Variants in GLYR1 observed in about 807,000 individuals in gnomAD.
GLYR1 encodes the protein glyoxylate reductase 1 homolog.
A neutral mutation model predicts 72.7 loss-of-function variants in GLYR1; 21 were observed. That is an observed-to-expected ratio of 0.29 (90% CI 0.20 to 0.42). The LOEUF is 0.42. Among genes scored for constraint, GLYR1 ranks in the 10% least tolerant of loss-of-function variants. The probability of loss-of-function intolerance (pLI) is 1.00; values close to 1 mark genes in which losing one functional copy is unlikely to be tolerated. For synonymous variants in GLYR1, 392 were observed against 270.2 expected, an observed-to-expected ratio of 1.45 and a Z score of -4.42; for missense variants, 594 against 712.1, an observed-to-expected ratio of 0.83 and a Z score of 1.89.
chr16:4,827,974 C>A (rs1369180337), intron 5 of GLYR1, among the ~76,000 whole-genome samples: 1 of 151,956 alleles, frequency 6.6e-6, no homozygotes, highest in African/African-American at 2.4e-5. Flanking sequence ...TCAATCAAAT[C>A]TATGGGGGAC....
intron 10 of GLYR1, 68 bp from the exon 11 acceptor site, chr16:4,814,715 G>C (rs569877159): frequency 2.1e-5 from 27 of 1,270,304 alleles, no homozygotes; most frequent in Admixed American, 1.9e-4. Flanking sequence ...CCAGGCCAGA[G>C]AATTGCTGAC....
intron 5 of GLYR1, among the ~76,000 whole-genome samples, chr16:4,828,064 G>A (rs1567744156): frequency 1.3e-5 from 2 of 151,388 alleles, no homozygotes; most frequent in Admixed American, 1.3e-4. Flanking sequence ...TTAACTTAAG[G>A]CATGTATATA....
intron 4 of GLYR1, 94 bp downstream of exon 4, chr16:4,832,680 C>G: frequency 7.2e-7 from 1 of 1,383,396 alleles, no homozygotes; most frequent in East Asian, 2.4e-5. Flanking sequence ...TTCAGAAGAA[C>G]AAAGGTTTGC....
At chr16:4,814,877 A>C (rs1366833946) in intron 10 of GLYR1, among the ~76,000 whole-genome samples, 1 of 152,146 alleles carries the variant, frequency 6.6e-6, no homozygotes, top group East Asian at 1.9e-4. Flanking sequence ...GAACTGCTTC[A>C]CAAGTGTCTG....
At chr16:4,845,760 G>A (rs1473983519) in intron 2 of GLYR1, among the ~76,000 whole-genome samples, 2 of 152,306 alleles carry the variant, frequency 1.3e-5, no homozygotes, top group Non-Finnish European at 2.9e-5. Flanking sequence ...AGAGGCACTG[G>A]AGTAGCACAT....
intron 3 of GLYR1, among the ~76,000 whole-genome samples, chr16:4,838,777 C>T (rs1449933922): frequency 1.3e-5 from 2 of 151,998 alleles, no homozygotes; most frequent in Non-Finnish European, 1.5e-5. Context: ...TTAGGAGAGA[C>T]GGGGTTTCAC....
chr16:4,826,598 A>C (rs1315668598), intron 5 of GLYR1, among the ~76,000 whole-genome samples: 1 of 152,218 alleles, frequency 6.6e-6, no homozygotes, highest in African/African-American at 2.4e-5. Context: ...ATTACTCAAT[A>C]AACATTTGTT....
intron 3 of GLYR1, among the ~76,000 whole-genome samples, chr16:4,840,897 C>T (rs1473955975): frequency 6.6e-6 from 1 of 152,174 alleles, no homozygotes; most frequent in Non-Finnish European, 1.5e-5. Flanking sequence ...AAAATCTGCC[C>T]CAGCACTGAT....
intron 12 of GLYR1, 115 bp from the exon 13 acceptor site, chr16:4,812,363 G>A (rs2083366597): frequency 1.7e-6 from 2 of 1,166,652 alleles, no homozygotes; most frequent in African/African-American, 3.1e-5. Flanking sequence ...AGAGCTGGAG[G>A]GGACGGCCAC....
chr16:4,837,094 AT>A (rs1180173045), intron 3 of GLYR1, among the ~76,000 whole-genome samples: 3 of 152,242 alleles, frequency 2.0e-5, no homozygotes, highest in Non-Finnish European at 4.4e-5. Flanking sequence ...AAAATCTGGT[AT>A]TTTCAAAAAC....
chr16:4,815,982 C>T lies in GLYR1; in HGVS notation c.907-1335G>A, dbSNP rs565667997. Among the ~76,000 whole-genome samples, 164 of 151,952 alleles carry T rather than the reference C, an allele frequency of 1.1e-3. 1 individual carries two copies. The highest frequency in any genetic ancestry group is 1.7e-3 in the Non-Finnish European group (113 of 67,918). ...ATTTTTAGTAGAGACGGGGTTTCAC[C>T]GAGGTCTCGATCTCCTGACCTCGTT... On this transcript the variant is annotated intron_variant, in intron 10 of 15. Coordinates refer to ENST00000321919, the MANE Select transcript of GLYR1 (RefSeq NM_032569.4).
intron 11 of GLYR1, among the ~76,000 whole-genome samples, chr16:4,814,239 G>C (rs2083489016): frequency 6.6e-6 from 1 of 152,172 alleles, no homozygotes; most frequent in African/African-American, 2.4e-5. Context: ...TTGGCACCTG[G>C]ACCAAAGGCA....
chr16:4,827,918 A>C (rs1425275713), intron 5 of GLYR1, among the ~76,000 whole-genome samples: 1 of 151,932 alleles, frequency 6.6e-6, no homozygotes, highest in Non-Finnish European at 1.5e-5. Flanking sequence ...CAAACCAAAA[A>C]ACCAAAAAAC....
At chr16:4,813,932 G>C in intron 11 of GLYR1, 94 bp from the exon 12 acceptor site, 5 of 948,964 alleles carry the variant, frequency 5.3e-6, no homozygotes, top group Non-Finnish European at 6.1e-6. Context: ...CTGCTGTTTT[G>C]GCTCATTTCC....
intron 5 of GLYR1, among the ~76,000 whole-genome samples, chr16:4,827,962 T>A (rs534797108): frequency 2.6e-5 from 4 of 151,120 alleles, no homozygotes; most frequent in African/African-American, 9.7e-5. Context: ...GGCAACCCAG[T>A]ATCAATCAAA....
At chr16:4,805,587 C>T (rs1344748889) in intron 15 of GLYR1, among the ~76,000 whole-genome samples, 2 of 152,188 alleles carry the variant, frequency 1.3e-5, no homozygotes, top group East Asian at 1.9e-4. Flanking sequence ...CCGGGCACTG[C>T]GGCTCATGCC....
chr16:4,845,093 AT>A lies in GLYR1; in HGVS notation c.135del (p.Lys45AsnfsTer16). ...KPRGKKCFFV[K>X]FFGTEDHAWI... ...ACTCACTGATCTTCTGTTCCAAAAA[AT>A]TTCACAAAGAAGCATTTCTTTCCGC... is the stretch of plus-strand genomic sequence containing the variant. On this transcript the variant is annotated frameshift_variant, in exon 3 of 16. Coordinates refer to ENST00000321919, the MANE Select transcript of GLYR1 (RefSeq NM_032569.4). LOFTEE classifies it high-confidence loss of function. 1 of 1,613,890 alleles carries A rather than the reference AT, an allele frequency of 6.2e-7. No individual in the cohort carries two copies. The highest frequency in any genetic ancestry group is 8.5e-7 in the Non-Finnish European group (1 of 1,179,772).
chr16:4,814,454 GT>G (rs1222808099), intron 11 of GLYR1, 82 bp downstream of exon 11: 1 of 983,924 alleles, frequency 1.0e-6, no homozygotes, highest in African/African-American at 1.6e-5. Context: ...CACTCACTTG[GT>G]GTGCAGGGGA....
In GLYR1 at chr16:4,832,121, G is replaced by C. The variant is rs772986428; in HGVS notation, c.395C>G (p.Ser132Cys). 2.5e-6 allele frequency: 4 copies of C among 1,614,138 alleles called. No homozygotes were observed. ...CATGTTCTTCTTCACCTTCCCTTCAGACAGGCTAAGTTTGCGCTTCTCATC... is the reference window on the plus strand; with the variant it reads ...CATGTTCTTCTTCACCTTCCCTTCACACAGGCTAAGTTTGCGCTTCTCATC... Reference protein sequence around the residue: ...SGDEKRKLSLSEGKVKKNMGE... With the variant: ...SGDEKRKLSLCEGKVKKNMGE... Residue 132 changes from serine to cysteine, a missense_variant, in exon 5 of 16, where the codon TCT becomes TGT. By Grantham distance (112) the Ser-to-Cys change is moderately radical (BLOSUM62 -1). Around this residue, in one of 5 missense-constraint regions of GLYR1, gnomAD observed 252 missense variants for 211.3 expected, o/e 1.19. Coordinates refer to ENST00000321919, the MANE Select transcript of GLYR1 (RefSeq NM_032569.4).
Sources: allele counts gnomAD v4.1 joint callset (sites outside exome capture counted in the v4.1 genomes callset), GRCh38; gene constraint gnomAD v4.1.1; regional missense constraint gnomAD v4.1.1; transcripts MANE v1.5; gene names NCBI Gene and HGNC (gene_info 2026-07-23, HGNC 2026-07-21).